The following BEND4 variants were observed in gnomAD, a reference collection of about 807,000 sequenced individuals.
The protein encoded by BEND4 is BEN domain-containing protein 4.
In BEND4, 27 loss-of-function variants were observed where a neutral mutation model predicts 54.7. The ratio of observed to expected loss-of-function variants is 0.49; its 90% confidence interval spans 0.36 to 0.68. The LOEUF (loss-of-function observed/expected upper bound fraction) is 0.68, where lower values mean the gene tolerates loss of function less well. Among genes scored for constraint, BEND4 ranks in the 30% least tolerant of loss-of-function variants. The pLI, the probability that BEND4 is intolerant of heterozygous loss-of-function variation, is 0.00. For missense variants in BEND4, 702 were observed against 697.2 expected, an observed-to-expected ratio of 1.01 and a Z score of -0.08; for synonymous variants, 327 against 299.5, an observed-to-expected ratio of 1.09 and a Z score of -0.95.
chr4:42,117,453 G>T lies in BEND4; in HGVS notation c.*65C>A, dbSNP rs1719883808. On this transcript the variant is annotated 3_prime_UTR_variant, in exon 6 of 6. Coordinates refer to ENST00000502486, the MANE Select transcript of BEND4 (RefSeq NM_207406.4). The stretch of plus-strand genomic sequence containing the variant: ...CAGGCTTTGGACTCTCAGGTGACAG[G>T]AACAGGACATTCACAATTGGAACTC... 1 of 1,167,172 alleles carries T rather than the reference G, an allele frequency of 8.6e-7. No individual in the cohort carries two copies. Among genetic ancestry groups the T allele is most frequent in the East Asian group, 2.5e-5 (1 of 39,624 alleles). 72.3% of individuals were successfully genotyped at this position (1,167,172 alleles called of 1,614,324 possible).
intron 3 of BEND4, among the ~76,000 whole-genome samples, chr4:42,131,177 C>T (rs368901936): frequency 1.3e-5 from 2 of 152,100 alleles, no homozygotes; most frequent in African/African-American, 4.8e-5. Context: ...ACATGTTTAC[C>T]TATGTAACAA....
chr4:42,133,405 A>T (rs1393862696), intron 3 of BEND4, among the ~76,000 whole-genome samples: 1 of 152,218 alleles, frequency 6.6e-6, no homozygotes, highest in Non-Finnish European at 1.5e-5. Context: ...TAACACTAGT[A>T]GACACCAATT....
At chr4:42,119,829 G>A in intron 5 of BEND4, 1 of 528,862 alleles carries the variant, frequency 1.9e-6, no homozygotes, top group Non-Finnish European at 3.4e-6. Context: ...AACATGAGGT[G>A]CTATGCGATG....
At chr4:42,134,660 C>T (rs566533849) in intron 3 of BEND4, among the ~76,000 whole-genome samples, 6 of 152,170 alleles carry the variant, frequency 3.9e-5, no homozygotes, top group Non-Finnish European at 7.3e-5. Flanking sequence ...CAATTTCCCA[C>T]GGTAACGATA....
chr4:42,121,978 C>T (rs750882083), intron 4 of BEND4, among the ~76,000 whole-genome samples: 1 of 152,108 alleles, frequency 6.6e-6, no homozygotes, highest in Non-Finnish European at 1.5e-5. Flanking sequence ...GAACAGGCTC[C>T]TAAGGGCTCT....
At chr4:42,123,223 C>T (rs188943173) in intron 4 of BEND4, among the ~76,000 whole-genome samples, 40 of 151,978 alleles carry the variant, frequency 2.6e-4, no homozygotes, top group East Asian at 9.7e-4. Flanking sequence ...ATAATAAAAA[C>T]GAGAAAATGC....
rs1327156978 is a variant in BEND4 at position 42,143,938 on chromosome 4, A to G, written c.544T>C (p.Leu182=). 1.5e-5 allele frequency: 23 copies of G among 1,538,412 alleles called. No individual in the cohort carries two copies. The East Asian group carries it at 5.0e-4, about 33-fold the overall frequency. Residue 182 remains leucine, a synonymous_variant, in exon 3 of 6, where the codon TTA becomes CTA. Transcript: ENST00000502486. ...AQQCSRVLSL[L]NCGGKLLDSN... ...TCCAGGAGTTTTCCTCCACAATTTA[A>G]GAGGCTAAGAACTCGACTGCACTGC...
chr4:42,120,038 C>T lies in BEND4; in HGVS notation c.1387+16G>A, dbSNP rs762193109. Reference sequence around the variant, plus strand: ...TGAGATCACAGATGGTGACACTGAGCGGAAGGATGCAGTACCTCGGAGGCA... The same window carrying T: ...TGAGATCACAGATGGTGACACTGAGTGGAAGGATGCAGTACCTCGGAGGCA... On this transcript the variant is annotated intron_variant, in intron 5 of 5. Transcript: ENST00000502486. 34 of 1,613,698 alleles carry T rather than the reference C, an allele frequency of 2.1e-5. No homozygotes were observed. The highest frequency in any genetic ancestry group is 3.3e-5 in the Admixed American group (2 of 59,986).
chr4:42,147,146 C>G (rs1356415198), intron 2 of BEND4, among the ~76,000 whole-genome samples: 4 of 152,078 alleles, frequency 2.6e-5, no homozygotes, highest in African/African-American at 9.7e-5. Context: ...ATGATATGTA[C>G]AAAAATGGCT....
intron 5 of BEND4, 115 bp downstream of exon 5, chr4:42,119,934 AGACGT>A: frequency 7.9e-7 from 1 of 1,272,668 alleles, no homozygotes; most frequent in Non-Finnish European, 1.1e-6. Flanking sequence ...CATGAAGCCT[AGACGT>A]TCTCAGCAGA....
chr4:42,127,235 A>C (rs1007010893), intron 3 of BEND4, among the ~76,000 whole-genome samples: 8 of 152,222 alleles, frequency 5.3e-5, no homozygotes, highest in African/African-American at 1.9e-4. Flanking sequence ...TAGGTTAGAA[A>C]ATTTTTCTTC....
intron 3 of BEND4, among the ~76,000 whole-genome samples, chr4:42,126,425 T>G (rs1252421261): frequency 6.6e-6 from 1 of 152,216 alleles, no homozygotes; most frequent in Non-Finnish European, 1.5e-5. Flanking sequence ...GTAAGCAGAA[T>G]TCCATACAAT....
chr4:42,149,023 A>C (rs916559535), intron 2 of BEND4, among the ~76,000 whole-genome samples: 1 of 152,090 alleles, frequency 6.6e-6, no homozygotes, highest in Non-Finnish European at 1.5e-5. Flanking sequence ...ATTCACTTCA[A>C]CCCTTTCATC....
At chr4:42,121,336 G>A (rs930365098) in intron 4 of BEND4, among the ~76,000 whole-genome samples, 5 of 152,250 alleles carry the variant, frequency 3.3e-5, no homozygotes, top group East Asian at 3.9e-4. Flanking sequence ...AAACCGGCAC[G>A]GAGTTCTGCG....
At position 42,143,640 on chromosome 4, in the gene BEND4, G is replaced by A; in HGVS notation, c.842C>T (p.Pro281Leu). ...SEYGHLADVD[P>L]LSTSPVHTLG... The stretch of plus-strand genomic sequence containing the variant: ...TGTATGCACAGGAGAGGTTGACAGA[G>A]GATCCACGTCGGCCAGATGGCCATA... The change falls in exon 3 of 6, where the codon CCT (proline) becomes CTT (leucine). Residue 281 changes from proline to leucine, a missense_variant. Physicochemically the swap from Pro to Leu is moderately conservative, Grantham distance 98. Coordinates refer to ENST00000502486, the MANE Select transcript of BEND4 (RefSeq NM_207406.4). 6.2e-7 allele frequency: 1 copy of A among 1,613,392 alleles called. No homozygotes were observed. Among genetic ancestry groups the A allele is most frequent in the South Asian group, 1.1e-5 (1 of 90,818 alleles).
At chr4:42,127,623 G>T (rs1443111856) in intron 3 of BEND4, among the ~76,000 whole-genome samples, 2 of 152,170 alleles carry the variant, frequency 1.3e-5, no homozygotes, top group Non-Finnish European at 2.9e-5. Flanking sequence ...TGACCTTGGG[G>T]ACTTCATTTA....
chr4:42,149,953 AGAG>A (rs1257365060), intron 2 of BEND4, among the ~76,000 whole-genome samples: 4 of 152,342 alleles, frequency 2.6e-5, no homozygotes, highest in African/African-American at 7.2e-5. Context: ...AGGAGAAGCA[AGAG>A]GAGATCAAAG....
chr4:42,126,822 G>A (rs1720305642), intron 3 of BEND4, among the ~76,000 whole-genome samples: 1 of 152,130 alleles, frequency 6.6e-6, no homozygotes, highest in Admixed American at 6.5e-5. Context: ...ACCTGCCTGG[G>A]CAATATAGCG....
chr4:42,128,626 A>G (rs936503820), intron 3 of BEND4, among the ~76,000 whole-genome samples: 1 of 151,918 alleles, frequency 6.6e-6, no homozygotes, highest in African/African-American at 2.4e-5. Context: ...TCCGTCTCAA[A>G]AAAACAGAAA....
Sources: gnomAD v4.1 joint callset for allele counts (sites outside exome capture counted in the v4.1 genomes callset) on GRCh38, gnomAD v4.1.1 for gene constraint, MANE v1.5 for transcripts, NCBI Gene and HGNC (gene_info 2026-07-23, HGNC 2026-07-21) for gene names.